The following SLC2A13 variants were observed in gnomAD, a reference collection of about 807,000 sequenced individuals.
The protein encoded by SLC2A13 is proton myo-inositol cotransporter.
SLC2A13 carries 32 observed loss-of-function variants against 64.4 expected under a neutral mutation model. The ratio of observed to expected loss-of-function variants is 0.50; its 90% confidence interval spans 0.37 to 0.67. The LOEUF is 0.67. SLC2A13 is among the 30% of genes least tolerant of loss of function. The pLI is 0.00. For missense variants in SLC2A13, 743 were observed against 829.2 expected (o/e 0.90, Z 1.28); for synonymous variants, 338 against 327.1 (o/e 1.03, Z -0.36).
intron 5 of SLC2A13, among the ~76,000 whole-genome samples, chr12:39,870,104 G>A (rs201842348): frequency 6.6e-6 from 1 of 152,134 alleles, no homozygotes; most frequent in Non-Finnish European, 1.5e-5. Flanking sequence ...CCAAATGAAG[G>A]AACGAACACA....
intron 3 of SLC2A13, among the ~76,000 whole-genome samples, chr12:39,968,551 C>T (rs1946570675): frequency 6.6e-6 from 1 of 151,894 alleles, no homozygotes; most frequent in Non-Finnish European, 1.5e-5. Context: ...CTATGTTGAA[C>T]ATGTCAGGTC....
At chr12:39,987,774 C>G (rs1344927094) in intron 3 of SLC2A13, among the ~76,000 whole-genome samples, 1 of 151,938 alleles carries the variant, frequency 6.6e-6, no homozygotes, top group Non-Finnish European at 1.5e-5. Flanking sequence ...ACAGTTTAAT[C>G]TTTTTAATAT....
chr12:39,776,907 A>C (rs759700527), intron 7 of SLC2A13, among the ~76,000 whole-genome samples: 1 of 152,168 alleles, frequency 6.6e-6, no homozygotes, highest in Non-Finnish European at 1.5e-5. Context: ...AGGTTTTTCT[A>C]TGTTGGCAAC....
chr12:39,945,911 T>G (rs10747955), intron 4 of SLC2A13, among the ~76,000 whole-genome samples: 121,788 of 148,412 alleles, frequency 0.82, 49,100 homozygotes, highest in East Asian at 0.97. Context: ...TGATTTTTTG[T>G]GGGGGGGTGT....
At position 39,825,696 on chromosome 12, in the gene SLC2A13, T is replaced by G. The variant is rs543616202; in HGVS notation, c.1445+4407A>C. On this transcript the variant is annotated intron_variant, in intron 7 of 9. Coordinates refer to ENST00000280871, the MANE Select transcript of SLC2A13 (RefSeq NM_052885.4). ...TCTTTTTTATTCTAAATATTGTTTG[T>G]GCCTTCTCTCTCTTCTTGATTAGTA... 2.6e-5 allele frequency among the ~76,000 whole-genome samples: 4 copies of G among 152,284 alleles called. No individual in the cohort carries two copies. In the East Asian group the frequency reaches 7.7e-4, roughly 29 times the overall value.
chr12:39,840,376 G>A (rs1326730416), intron 6 of SLC2A13, among the ~76,000 whole-genome samples: 1 of 151,952 alleles, frequency 6.6e-6, no homozygotes, highest in Admixed American at 6.6e-5. Flanking sequence ...AATCTAACCT[G>A]ATCAGATTTC....
At position 39,958,633 on chromosome 12, in the gene SLC2A13, G is replaced by A. The variant is rs1296034854; in HGVS notation, c.926-7268C>T. 2.6e-5 allele frequency among the ~76,000 whole-genome samples: 4 copies of A among 152,112 alleles called. No individual in the cohort carries two copies. The East Asian group carries it at 7.7e-4, about 29-fold the overall frequency. ...AAAACCATTGATAACAGAACCATCA[G>A]GGCCTGTTTCATGAAGGGGACACTC... On this transcript the variant is annotated intron_variant, in intron 3 of 9. Coordinates refer to ENST00000280871, the MANE Select transcript of SLC2A13 (RefSeq NM_052885.4).
intron 7 of SLC2A13, among the ~76,000 whole-genome samples, chr12:39,799,373 G>A (rs1036237657): frequency 4.7e-5 from 7 of 150,252 alleles, no homozygotes; most frequent in African/African-American, 1.5e-4. Context: ...ACCTTCCAAA[G>A]TGCTGGAATT....
At chr12:40,098,044 T>G (rs1939013375) in intron 1 of SLC2A13, among the ~76,000 whole-genome samples, 1 of 150,934 alleles carries the variant, frequency 6.6e-6, no homozygotes, top group South Asian at 2.1e-4. Flanking sequence ...TATATGTATA[T>G]ATGTGTATAT....
chr12:40,043,648 A>T (rs1367205897), intron 2 of SLC2A13, among the ~76,000 whole-genome samples: 1 of 152,208 alleles, frequency 6.6e-6, no homozygotes, highest in East Asian at 1.9e-4. Context: ...ATATGCAAAG[A>T]AAAGGGCAAG....
chr12:39,899,545 C>T (rs968301851), intron 4 of SLC2A13, among the ~76,000 whole-genome samples: 3 of 152,058 alleles, frequency 2.0e-5, no homozygotes, highest in Non-Finnish European at 2.9e-5. Context: ...TTTGCTCTTG[C>T]TTTTCTAGTT....
chr12:40,103,910 C>G (rs1939220216), intron 1 of SLC2A13, among the ~76,000 whole-genome samples: 1 of 152,196 alleles, frequency 6.6e-6, no homozygotes, highest in East Asian at 1.9e-4. Flanking sequence ...TTACGGAGAG[C>G]TTTGCCCTAC....
At chr12:39,921,271 A>G (rs935476018) in intron 4 of SLC2A13, among the ~76,000 whole-genome samples, 6 of 152,068 alleles carry the variant, frequency 3.9e-5, no homozygotes, top group African/African-American at 1.5e-4. Flanking sequence ...TTCTGTTGCT[A>G]GAAAATGATG....
In SLC2A13 at chr12:40,105,199, G is replaced by A; in HGVS notation, c.556+54C>T. ...GGGCAAGAGGCACGCAACACCCAGG[G>A]TCAAGGGCGGTGACAATGGGATCCC... is the stretch of plus-strand genomic sequence containing the variant. On this transcript the variant is annotated intron_variant, in intron 1 of 9. Coordinates refer to ENST00000280871, the MANE Select transcript of SLC2A13 (RefSeq NM_052885.4). This position sits in a 1 kb window ranked among gnomAD's most constrained non-coding sequence, Gnocchi z 4.2. The A allele has an allele frequency of 1.3e-6, 2 of 1,484,388 alleles. No individual in the cohort carries two copies. Among genetic ancestry groups the A allele is most frequent in the South Asian group, 2.7e-5 (2 of 74,408 alleles). The allele number at this position is 1,484,388 out of a possible 1,614,324, so 92.0% of individuals were successfully genotyped here. A position where few individuals can be genotyped will look rare whatever the true frequency, so the allele number is the denominator to read the frequency against.
At chr12:40,052,317 C>T (rs548703056) in intron 1 of SLC2A13, among the ~76,000 whole-genome samples, 2 of 152,152 alleles carry the variant, frequency 1.3e-5, no homozygotes, top group East Asian at 1.9e-4. Flanking sequence ...ATAAGGTCTT[C>T]GCCAGAATAA....
intron 5 of SLC2A13, among the ~76,000 whole-genome samples, chr12:39,865,124 T>C (rs553734544): frequency 6.6e-6 from 1 of 152,166 alleles, no homozygotes; most frequent in Non-Finnish European, 1.5e-5. Flanking sequence ...GCAAATACAT[T>C]TGCTAGCCAA....
rs530669968 is a variant in SLC2A13, at chr12:39,866,486, A to AT, written c.1199-1605dup. 4.7e-3 allele frequency among the ~76,000 whole-genome samples: 691 copies of AT among 147,810 alleles called. 4 individuals carry two copies. Among genetic ancestry groups the AT allele is most frequent in the South Asian group, 0.012 (56 of 4,662 alleles). On this transcript the variant is annotated intron_variant, in intron 5 of 9. Coordinates refer to ENST00000280871, the MANE Select transcript of SLC2A13 (RefSeq NM_052885.4). ...TTAAATGTCATAATGTATTTGAAAG[A>AT]TTTTTTTTTTTTGAGACGGAGTCTC...
At chr12:39,896,341 CATATATGTATGTATATGTGT>C (rs1445093909) in intron 4 of SLC2A13, among the ~76,000 whole-genome samples, 59 of 93,402 alleles carry the variant, frequency 6.3e-4, no homozygotes, top group African/African-American at 2.4e-3. Context: ...TATATGTATA[CATATATGTATGTATATGTGT>C]ATATATGTAT....
intron 4 of SLC2A13, among the ~76,000 whole-genome samples, chr12:39,936,327 C>T (rs1011244377): frequency 1.1e-4 from 17 of 152,098 alleles, no homozygotes; most frequent in African/African-American, 3.9e-4. Flanking sequence ...AGAAGTACCT[C>T]CAAAGTTATG....
Sources: allele counts gnomAD v4.1 joint callset (sites outside exome capture counted in the v4.1 genomes callset), GRCh38; gene constraint gnomAD v4.1.1; non-coding constraint Gnocchi (gnomAD v3.1); transcripts MANE v1.5; gene names NCBI Gene and HGNC (gene_info 2026-07-23, HGNC 2026-07-21).